Variants in MRPL13 observed in about 807,000 individuals in gnomAD.
The protein encoded by MRPL13 is large ribosomal subunit protein uL13m.
In MRPL13, 33 loss-of-function variants were observed where a neutral mutation model predicts 29.0. The observed-to-expected ratio is 1.14, with a 90% CI of 0.86 to 1.52. The LOEUF is 1.52. Among genes scored for constraint, MRPL13 ranks in the 40% most tolerant of loss-of-function variants. The pLI is 0.00. For synonymous variants in MRPL13, 77 were observed against 68.4 expected (o/e 1.13, Z -0.62); for missense variants, 227 against 216.7 (o/e 1.05, Z -0.30).
intron 1 of MRPL13, among the ~76,000 whole-genome samples, chr8:120,443,937 A>G (rs1399967336): frequency 6.6e-6 from 1 of 152,170 alleles, no homozygotes; most frequent in Admixed American, 6.5e-5. Flanking sequence ...TCATCAATGT[A>G]TTCAAATTCT....
chr8:120,417,244 T>C (rs1355907606), intron 5 of MRPL13, among the ~76,000 whole-genome samples: 1 of 152,226 alleles, frequency 6.6e-6, no homozygotes, highest in Non-Finnish European at 1.5e-5. Context: ...TGACCAAAGA[T>C]TTGATCTCAT....
intron 3 of MRPL13, among the ~76,000 whole-genome samples, chr8:120,430,487 G>A (rs1812985778): frequency 6.6e-6 from 1 of 152,138 alleles, no homozygotes; most frequent in African/African-American, 2.4e-5. Context: ...GCATAATAAA[G>A]TAGTATGTCC....
chr8:120,426,499 GAAA>G (rs879363576), intron 3 of MRPL13, among the ~76,000 whole-genome samples: 12 of 151,870 alleles, frequency 7.9e-5, no homozygotes, highest in Admixed American at 5.9e-4. Flanking sequence ...TCTCTCCATG[GAAA>G]AAAATATTTT....
intron 3 of MRPL13, among the ~76,000 whole-genome samples, chr8:120,427,753 C>G (rs1812947307): frequency 6.6e-6 from 1 of 151,856 alleles, no homozygotes; most frequent in African/African-American, 2.4e-5. Flanking sequence ...TTCTTGAGCC[C>G]ACAAGTTCAA....
chr8:120,401,190 TACA>T (rs1316899679), intron 6 of MRPL13, among the ~76,000 whole-genome samples: 8 of 151,884 alleles, frequency 5.3e-5, no homozygotes, highest in African/African-American at 1.7e-4. Flanking sequence ...CTAGCAGAGG[TACA>T]ACAACATAAA....
At chr8:120,428,677 C>G (rs1586925369) in intron 3 of MRPL13, among the ~76,000 whole-genome samples, 1 of 152,046 alleles carries the variant, frequency 6.6e-6, no homozygotes, top group Admixed American at 6.6e-5. Context: ...GGGCAAAGGA[C>G]AGGAACATAC....
intron 6 of MRPL13, among the ~76,000 whole-genome samples, chr8:120,411,470 T>C (rs914020202): frequency 5.3e-5 from 8 of 152,180 alleles, no homozygotes; most frequent in Non-Finnish European, 8.8e-5. Context: ...AATGACTATA[T>C]TTTTCCTGGT....
chr8:120,403,517 G>A (rs376978343), intron 6 of MRPL13, among the ~76,000 whole-genome samples: 45 of 152,210 alleles, frequency 3.0e-4, no homozygotes, highest in African/African-American at 1.0e-3. Context: ...GAGACCGTCA[G>A]GAAGAATAGC....
At chr8:120,413,969 C>A in intron 6 of MRPL13, 22 bp downstream of exon 6, 1 of 1,504,000 alleles carries the variant, frequency 6.6e-7, no homozygotes, top group Non-Finnish European at 8.8e-7. Flanking sequence ...GAAAAAAAAA[C>A]AAGAAGAAGG....
At chr8:120,443,505 A>G (rs1388899135) in intron 1 of MRPL13, among the ~76,000 whole-genome samples, 197 bp from the exon 2 acceptor site, 1 of 152,152 alleles carries the variant, frequency 6.6e-6, no homozygotes, top group Non-Finnish European at 1.5e-5. Context: ...TGTTTTTTCT[A>G]ATCATTCTGC....
chr8:120,445,050 A>AT lies in MRPL13; in HGVS notation c.27+17dup. On this transcript the variant is annotated intron_variant, in intron 1 of 6. Coordinates refer to ENST00000306185, the MANE Select transcript of MRPL13 (RefSeq NM_014078.6). The stretch of plus-strand genomic sequence containing the variant: ...CCAGTATAATGAACCCCATCAAGCC[A>AT]TAAGAGTCCGAGCTCACCTGGGGCG... The AT allele has an allele frequency of 6.2e-7, 1 of 1,613,906 alleles. No individual in the cohort carries two copies. The highest frequency in any genetic ancestry group is 8.5e-7 in the Non-Finnish European group (1 of 1,179,892).
intron 2 of MRPL13, among the ~76,000 whole-genome samples, chr8:120,435,078 G>C (rs957405777): frequency 2.6e-5 from 4 of 152,070 alleles, no homozygotes; most frequent in African/African-American, 9.7e-5. Flanking sequence ...AGAGTCTCCA[G>C]CTCTTTTAAA....
At chr8:120,431,951 T>C in intron 3 of MRPL13, 79 bp downstream of exon 3, 8 of 1,010,414 alleles carry the variant, frequency 7.9e-6, no homozygotes, top group Non-Finnish European at 1.1e-5. Context: ...ATATCTTTTT[T>C]CTTTTAAGTA....
chr8:120,434,501 A>G (rs1297417442), intron 2 of MRPL13, among the ~76,000 whole-genome samples: 2 of 152,212 alleles, frequency 1.3e-5, no homozygotes, highest in East Asian at 3.9e-4. Flanking sequence ...TTTCAAATAC[A>G]ACTCCAGTAA....
intron 6 of MRPL13, among the ~76,000 whole-genome samples, chr8:120,410,711 G>C (rs561289697): frequency 1.2e-4 from 19 of 152,016 alleles, no homozygotes; most frequent in Non-Finnish European, 2.8e-4. Context: ...CACGTCAACA[G>C]TAGCTAATGT....
intron 4 of MRPL13, among the ~76,000 whole-genome samples, chr8:120,424,476 A>T (rs369913225): frequency 6.6e-6 from 1 of 152,110 alleles, no homozygotes; most frequent in East Asian, 1.9e-4. Flanking sequence ...AATTAAAAAC[A>T]GAGTAAAGTC....
rs185543856 is a variant in MRPL13 at position 120,441,666 on chromosome 8, T to C, written c.151+1519A>G. Among the ~76,000 whole-genome samples, 29 of 152,254 alleles carry C rather than the reference T, an allele frequency of 1.9e-4. 2 individuals carry two copies. Among genetic ancestry groups the C allele is most frequent in the Admixed American group, 1.7e-3 (26 of 15,278 alleles). ...ACTAAAGACAATACATAAACCTAGGTTGCATCCTGGTTCAAAAAAATAATA... is the reference window on the plus strand; with the variant it reads ...ACTAAAGACAATACATAAACCTAGGCTGCATCCTGGTTCAAAAAAATAATA... On this transcript the variant is annotated intron_variant, in intron 2 of 6. Transcript: ENST00000306185.
intron 1 of MRPL13, among the ~76,000 whole-genome samples, chr8:120,444,631 C>G (rs895841321): frequency 6.6e-6 from 1 of 152,156 alleles, no homozygotes; most frequent in Non-Finnish European, 1.5e-5. Flanking sequence ...TCTACTAACC[C>G]CTATTTCTGA....
At chr8:120,441,592 A>C (rs1242706458) in intron 2 of MRPL13, among the ~76,000 whole-genome samples, 2 of 152,208 alleles carry the variant, frequency 1.3e-5, no homozygotes, top group Non-Finnish European at 2.9e-5. Flanking sequence ...TAATGAGAAG[A>C]AAATAAAAGA....
Sources: gnomAD v4.1 joint callset for allele counts (sites outside exome capture counted in the v4.1 genomes callset) on GRCh38, gnomAD v4.1.1 for gene constraint, MANE v1.5 for transcripts, NCBI Gene and HGNC (gene_info 2026-07-23, HGNC 2026-07-21) for gene names.